The following NCKAP5L variants were observed in gnomAD, a reference collection of about 807,000 sequenced individuals.
NCKAP5L encodes the protein nck-associated protein 5-like.
NCKAP5L carries 54 observed loss-of-function variants against 103.2 expected under a neutral mutation model. The ratio of observed to expected loss-of-function variants is 0.52; its 90% CI spans 0.42 to 0.66. NCKAP5L has a LOEUF of 0.66. Among genes scored for constraint, NCKAP5L ranks in the 30% least tolerant of loss-of-function variants. NCKAP5L has a pLI of 0.00. For synonymous variants in NCKAP5L, 762 were observed against 748.6 expected (o/e 1.02, Z -0.29); for missense variants, 1,733 against 1,750.6 (o/e 0.99, Z 0.18).
rs768180651 is a variant in NCKAP5L, at chr12:49,793,822, G to C, written c.3170C>G (p.Ser1057Cys). Reference sequence around the variant, plus strand: ...TGGCCAGGGGCTCTTGGGGTCAGAAGACACCGGCTGGAAATCCCCGTACTC... The same window carrying C: ...TGGCCAGGGGCTCTTGGGGTCAGAACACACCGGCTGGAAATCCCCGTACTC... ...KPEYGDFQPV[S>C]SDPKSPWPAC... The change falls in exon 9 of 13, where the codon TCT (serine) becomes TGT (cysteine). Residue 1057 changes from serine (S) to cysteine (C), a missense_variant. Transcript: ENST00000335999. 2.1e-5 allele frequency: 33 copies of C among 1,594,602 alleles called. No homozygotes were observed. The South Asian group carries it at 3.8e-4, about 18-fold the overall frequency.
intron 1 of NCKAP5L, among the ~76,000 whole-genome samples, chr12:49,823,335 C>G (rs1946381326): frequency 6.6e-6 from 1 of 152,056 alleles, no homozygotes. Context: ...GATCCTTGTA[C>G]AGAAGGGCCG....
intron 5 of NCKAP5L, chr12:49,802,242 C>T (rs561696236): frequency 1.1e-4 from 35 of 332,196 alleles, no homozygotes; most frequent in African/African-American, 6.6e-4. Flanking sequence ...GAATCGACCC[C>T]CCGCCTCTTT....
chr12:49,796,206 C>G lies in NCKAP5L; in HGVS notation c.1654G>C (p.Val552Leu). The part of the protein sequence containing the change: ...LSTTLSPGPV[V>L]SPCYENILDL... ...AGAATGTTCTCATAGCAGGGAGACA[C>G]CACTGGGCCTGGGGACAGCGTGGTG... The change falls in exon 8 of 13, where the codon GTG (valine) becomes CTG (leucine). Residue 552 changes from valine to leucine, a missense_variant. Coordinates refer to ENST00000335999, the MANE Select transcript of NCKAP5L (RefSeq NM_001037806.4). 2 of 1,597,384 alleles carry G rather than the reference C, an allele frequency of 1.3e-6. No homozygotes were observed. Among genetic ancestry groups the G allele is most frequent in the Non-Finnish European group, 1.7e-6 (2 of 1,172,306 alleles).
chr12:49,810,891 G>A (rs903565047), intron 1 of NCKAP5L, among the ~76,000 whole-genome samples: 9 of 152,144 alleles, frequency 5.9e-5, no homozygotes, highest in African/African-American at 9.7e-5. Context: ...AGTTTTAAGC[G>A]TATAGAAGGG....
At chr12:49,798,484 T>C (rs774245225) in intron 6 of NCKAP5L, 21 bp from the exon 7 acceptor site, 1 of 1,545,096 alleles carries the variant, frequency 6.5e-7, no homozygotes. Flanking sequence ...AGAGGCAGAG[T>C]TAGCACAGTA....
chr12:49,795,358 T>C lies in NCKAP5L; in HGVS notation c.2502A>G (p.Leu834=). 8.4e-6 allele frequency: 13 copies of C among 1,545,884 alleles called. No individual in the cohort carries two copies. Among genetic ancestry groups the C allele is most frequent in the Non-Finnish European group, 1.0e-5 (12 of 1,152,466 alleles). ...CAGGCTTGGGGGACTCCTTGGTGAC[T>C]AGCGGAGCCCCAGGTCGAGGCACCA... The part of the protein sequence containing the change: ...TKVVPRPGAP[L]VTKESPKPDK... Residue 834 remains leucine, a synonymous_variant, in exon 8 of 13, where the codon CTA becomes CTG. Transcript: ENST00000335999.
intron 1 of NCKAP5L, among the ~76,000 whole-genome samples, chr12:49,817,461 C>T: frequency 6.6e-6 from 1 of 152,076 alleles, no homozygotes; most frequent in Non-Finnish European, 1.5e-5. Context: ...CTCCATGCTA[C>T]CTATCACACC....
chr12:49,796,436 T>C lies in NCKAP5L; in HGVS notation c.1424A>G (p.Gln475Arg). 1.3e-6 allele frequency: 2 copies of C among 1,548,928 alleles called. No homozygotes were observed. Among genetic ancestry groups the C allele is most frequent in the Non-Finnish European group, 1.7e-6 (2 of 1,150,266 alleles). Reference protein sequence around the residue: ...SEKSPSPGGPQLSPQLPRNSR... With the variant: ...SEKSPSPGGPRLSPQLPRNSR... ...GTTCCGGGGGAGCTGGGGACTGAGC[T>C]GCGGGCCTCCTGGGCTGGGGCTCTT... Residue 475 changes from glutamine to arginine, a missense_variant, in exon 8 of 13, where the codon CAG becomes CGG. Gln to Arg is a conservative substitution (Grantham distance 43). Coordinates refer to ENST00000335999, the MANE Select transcript of NCKAP5L (RefSeq NM_001037806.4).
At position 49,826,510 on chromosome 12, in the gene NCKAP5L, G is replaced by A. The variant is rs1946418054; in HGVS notation, c.-99+1812C>T. On this transcript the variant is annotated intron_variant, in intron 1 of 12. Coordinates refer to ENST00000335999, the MANE Select transcript of NCKAP5L (RefSeq NM_001037806.4). The stretch of plus-strand genomic sequence containing the variant: ...CCCAGGGTTCTAATCCTAACTAATT[G>A]CAATTTAAAGCACACCCAACACTTT... 1.1e-4 allele frequency among the ~76,000 whole-genome samples: 17 copies of A among 152,238 alleles called. No homozygotes were observed. The South Asian group carries it at 3.5e-3, about 32-fold the overall frequency.
At chr12:49,814,349 T>C (rs1002742057) in intron 1 of NCKAP5L, among the ~76,000 whole-genome samples, 1 of 150,728 alleles carries the variant, frequency 6.6e-6, no homozygotes, top group Non-Finnish European at 1.5e-5. Context: ...CTGGGTGTGG[T>C]GGTGTGCGCC....
intron 1 of NCKAP5L, among the ~76,000 whole-genome samples, chr12:49,810,062 C>A (rs1237950377): frequency 6.6e-6 from 1 of 151,788 alleles, no homozygotes; most frequent in Non-Finnish European, 1.5e-5. Flanking sequence ...GAAGGGCAGT[C>A]GTGTTATAAG....
At chr12:49,802,100 C>T in intron 5 of NCKAP5L, 133 bp from the exon 6 acceptor site, 3 of 1,027,004 alleles carry the variant, frequency 2.9e-6, no homozygotes, top group Non-Finnish European at 4.2e-6. Context: ...CCGCTGCAAC[C>T]TCCTTCTATG....
chr12:49,816,862 C>T (rs1343831715), intron 1 of NCKAP5L, among the ~76,000 whole-genome samples: 2 of 151,532 alleles, frequency 1.3e-5, no homozygotes, highest in African/African-American at 4.8e-5. Context: ...GCAAATAGTA[C>T]TAACCTATTA....
chr12:49,796,685 C>T lies in NCKAP5L; in HGVS notation c.1175G>A (p.Gly392Asp), dbSNP rs775728486. The T allele has an allele frequency of 3.1e-6, 5 of 1,590,882 alleles. No homozygotes were observed. The highest frequency in any genetic ancestry group is 4.3e-6 in the Non-Finnish European group (5 of 1,169,250). ...GGGTPEAHRP[G>D]FGATSEGQGP... ...CTGGCCCTCTGAGGTAGCACCGAAG[C>T]CTGGCCTGTGGGCCTCTGGGGTACC... Residue 392 changes from glycine to aspartate, a missense_variant, in exon 8 of 13, where the codon GGC becomes GAC. By Grantham distance (94) the Gly-to-Asp change is moderately conservative (BLOSUM62 -1). Transcript: ENST00000335999.
chr12:49,796,292 G>A lies in NCKAP5L; in HGVS notation c.1568C>T (p.Pro523Leu). Residue 523 changes from proline (P) to leucine (L), a missense_variant, in exon 8 of 13, where the codon CCT becomes CTT. Transcript: ENST00000335999. ...GTCTGGGGTTGTGTAGCAGGGTGAA[G>A]GGCTGGTGGGCAGGCCTTGCGCCCC... is the stretch of plus-strand genomic sequence containing the variant. ...PEGAQGLPTSPSPCYTTPDST... is the reference protein window; with the variant it reads ...PEGAQGLPTSLSPCYTTPDST... The A allele has an allele frequency of 1.3e-6, 2 of 1,546,936 alleles. No homozygotes were observed. Among genetic ancestry groups the A allele is most frequent in the South Asian group, 1.3e-5 (1 of 79,906 alleles).
At position 49,797,179 on chromosome 12, in the gene NCKAP5L, G is replaced by A. The variant is rs757532829; in HGVS notation, c.681C>T (p.Gly227=). ...QGPGSPEPIN[G]ELCGPPQPEP... is the part of the protein sequence containing the mutation. ...CAGGCTGAGGCGGGCCACACAGCTC[G>A]CCGTTGATGGGCTCTGGGGAGCCAG... The change falls in exon 8 of 13, where the codon GGC becomes GGT. Residue 227 remains glycine (G), a synonymous_variant. Coordinates refer to ENST00000335999, the MANE Select transcript of NCKAP5L (RefSeq NM_001037806.4). The surrounding 1 kb of genome is among the most constrained non-coding windows in gnomAD (Gnocchi z 4.5). 9 of 1,612,056 alleles carry A rather than the reference G, an allele frequency of 5.6e-6. No homozygotes were observed. The highest frequency in any genetic ancestry group is 2.7e-5 in the African/African-American group (2 of 75,006).
intron 1 of NCKAP5L, among the ~76,000 whole-genome samples, chr12:49,824,314 A>T (rs1201020538): frequency 1.3e-5 from 2 of 152,216 alleles, no homozygotes. Context: ...GCCCCACGCC[A>T]CAGGCACAGT....
At position 49,796,598 on chromosome 12, in the gene NCKAP5L, G is replaced by T; in HGVS notation, c.1262C>A (p.Pro421His). The change falls in exon 8 of 13, where the codon CCT becomes CAT. Residue 421 changes from proline to histidine, a missense_variant. Transcript: ENST00000335999. ...CTGAGATGAGGAATGGGGGTGGCCA[G>T]GCCGAGAGCCCAGTGGGGCATCCCC... Reference protein sequence around the residue: ...GAGDAPLGSRPGHPHSSSQVK... With the variant: ...GAGDAPLGSRHGHPHSSSQVK... 3 of 1,602,416 alleles carry T rather than the reference G, an allele frequency of 1.9e-6. No homozygotes were observed. The highest frequency in any genetic ancestry group is 2.6e-6 in the Non-Finnish European group (3 of 1,175,662).
At position 49,792,709 on chromosome 12, in the gene NCKAP5L, C is replaced by T. The variant is rs775329399; in HGVS notation, c.3618G>A (p.Pro1206=). The change falls in exon 11 of 13, where the codon CCG becomes CCA. Residue 1206 remains proline (P), a synonymous_variant. Coordinates refer to ENST00000335999, the MANE Select transcript of NCKAP5L (RefSeq NM_001037806.4). This position sits in a 1 kb window ranked among gnomAD's most constrained non-coding sequence, Gnocchi z 4.5. The part of the protein sequence containing the change: ...PAFPALLPAA[P]GHRGHETCPD... The stretch of plus-strand genomic sequence containing the variant: ...GACAGGTCTCATGGCCCCGGTGGCC[C>T]GGAGCAGCGGGTAGCAGTGCAGGGA... 23 of 1,611,214 alleles carry T rather than the reference C, an allele frequency of 1.4e-5. No homozygotes were observed. The highest frequency in any genetic ancestry group is 2.7e-5 in the African/African-American group (2 of 74,842).
Sources: allele counts gnomAD v4.1 joint callset (sites outside exome capture counted in the v4.1 genomes callset), GRCh38; gene constraint gnomAD v4.1.1; non-coding constraint Gnocchi (gnomAD v3.1); transcripts MANE v1.5; gene names NCBI Gene and HGNC (gene_info 2026-07-23, HGNC 2026-07-21).